The following PBX3 variants were observed in gnomAD, a reference collection of about 807,000 sequenced individuals.
PBX3 encodes the protein pre-B-cell leukemia transcription factor 3.
In PBX3, 14 loss-of-function variants were observed where a neutral mutation model predicts 48.5. The observed-to-expected ratio is 0.29, with a 90% CI of 0.19 to 0.45. The LOEUF is 0.45. Ranked by LOEUF, PBX3 falls within the 20% of genes least tolerant of loss-of-function variation. The probability of loss-of-function intolerance (pLI) is 1.00; values close to 1 mark genes in which losing one functional copy is unlikely to be tolerated. For missense variants in PBX3, 386 were observed against 546.7 expected, an observed-to-expected ratio of 0.71 and a Z score of 2.93; for synonymous variants, 210 against 200.3, an observed-to-expected ratio of 1.05 and a Z score of -0.41.
intron 2 of PBX3, chr9:125,749,443 C>G (rs1170169362): frequency 4.6e-5 from 7 of 152,122 alleles, no homozygotes; most frequent in Admixed American, 4.6e-4. Flanking sequence ...GGTAACTGCT[C>G]AAACTGAAGC....
Position 125,898,819 on chromosome 9 carries a change from AGTT to A in PBX3, c.275-16863_275-16861del, listed in dbSNP as rs1182022543. On this transcript the variant is annotated intron_variant, in intron 2 of 8. Coordinates refer to ENST00000373489, the MANE Select transcript of PBX3 (RefSeq NM_006195.6). Reference sequence around the variant, plus strand: ...ACAGTTATTTCACATTGAATGTTAAAGTTGTTTAAACATATGAGTACAATTTTT... The same window carrying A: ...ACAGTTATTTCACATTGAATGTTAAAGTTTAAACATATGAGTACAATTTTT... Among the ~76,000 whole-genome samples, 3 of 151,866 alleles carry A rather than the reference AGTT, an allele frequency of 2.0e-5. No individual in the cohort carries two copies. The East Asian group carries it at 5.8e-4, about 29-fold the overall frequency.
intron 2 of PBX3, among the ~76,000 whole-genome samples, chr9:125,796,393 A>G (rs762323807): frequency 1.2e-4 from 19 of 152,272 alleles, no homozygotes; most frequent in Admixed American, 9.8e-4. Flanking sequence ...CATTAAGCCT[A>G]TTGCTCTTGA....
At chr9:125,937,365 A>G (rs1315560706) in intron 5 of PBX3, among the ~76,000 whole-genome samples, 1 of 152,190 alleles carries the variant, frequency 6.6e-6, no homozygotes, top group Non-Finnish European at 1.5e-5. Context: ...TTTTTTAAAA[A>G]AAACAGTTAA....
intron 5 of PBX3, among the ~76,000 whole-genome samples, chr9:125,941,373 G>C (rs1841955906): frequency 6.6e-6 from 1 of 152,240 alleles, no homozygotes; most frequent in African/African-American, 2.4e-5. Flanking sequence ...TTCACTGTGA[G>C]ATGGGGAACT....
chr9:125,751,198 G>T (rs75038751), intron 2 of PBX3, among the ~76,000 whole-genome samples: 114 of 152,276 alleles, frequency 7.5e-4, no homozygotes, highest in Middle Eastern at 3.4e-3. Flanking sequence ...ATAGAAACCA[G>T]AAACATTATG....
chr9:125,747,382 C>T lies in PBX3; in HGVS notation c.-72C>T, dbSNP rs1201847736. The stretch of plus-strand genomic sequence containing the variant: ...CCTCCCCCTCTTTCTTCTCCTCCCT[C>T]GTCGCCGCCGCCGCCGCCGCCGCCT... On this transcript the variant is annotated 5_prime_UTR_variant, in exon 1 of 9. Coordinates refer to ENST00000373489, the MANE Select transcript of PBX3 (RefSeq NM_006195.6). 9 of 856,376 alleles carry T rather than the reference C, an allele frequency of 1.1e-5. No homozygotes were observed. The highest frequency in any genetic ancestry group is 4.1e-4 in the Middle Eastern group (1 of 2,462). 53.0% of individuals were successfully genotyped at this position (856,376 alleles called of 1,614,324 possible).
At chr9:125,824,060 A>T (rs1449672353) in intron 2 of PBX3, among the ~76,000 whole-genome samples, 5 of 150,596 alleles carry the variant, frequency 3.3e-5, no homozygotes, top group African/African-American at 1.2e-4. Context: ...TGGGTGACAG[A>T]GCAAGACTTT....
intron 2 of PBX3, among the ~76,000 whole-genome samples, chr9:125,787,808 T>C (rs1437027316): frequency 2.0e-5 from 3 of 152,182 alleles, no homozygotes; most frequent in Non-Finnish European, 4.4e-5. Context: ...AAGACTGTTA[T>C]CATAGGATGA....
At chr9:125,891,686 A>G (rs1164027356) in intron 2 of PBX3, among the ~76,000 whole-genome samples, 2 of 152,250 alleles carry the variant, frequency 1.3e-5, no homozygotes, top group Admixed American at 6.5e-5. Context: ...AGTTAAAAAC[A>G]TATACCAAAT....
chr9:125,778,305 C>T (rs903456419), intron 2 of PBX3, among the ~76,000 whole-genome samples: 1 of 151,600 alleles, frequency 6.6e-6, no homozygotes, highest in Non-Finnish European at 1.5e-5. Flanking sequence ...GTCGTTCAGG[C>T]TGGAGTGCAG....
intron 2 of PBX3, among the ~76,000 whole-genome samples, chr9:125,800,750 ATTT>A (rs60068482): frequency 7.5e-5 from 10 of 133,088 alleles, no homozygotes; most frequent in African/African-American, 5.5e-5. Context: ...CTTGGAATTA[ATTT>A]TTTTTTTTTT....
chr9:125,835,744 C>T (rs1021862538), intron 2 of PBX3, among the ~76,000 whole-genome samples: 2 of 152,074 alleles, frequency 1.3e-5, no homozygotes, highest in Non-Finnish European at 2.9e-5. Flanking sequence ...GACAGGGGAA[C>T]GTTCATACAC....
At position 125,830,776 on chromosome 9, in the gene PBX3, C is replaced by T. The variant is rs144002949; in HGVS notation, c.274+82153C>T. ...AACCATGTTTAAAGAAGCTAAGTAA[C>T]TTGTCCACATTCACAGTAAGTGTAG... is the stretch of plus-strand genomic sequence containing the variant. On this transcript the variant is annotated intron_variant, in intron 2 of 8. Coordinates refer to ENST00000373489, the MANE Select transcript of PBX3 (RefSeq NM_006195.6). 1.1e-4 allele frequency among the ~76,000 whole-genome samples: 17 copies of T among 152,158 alleles called. No individual in the cohort carries two copies. The East Asian group carries it at 2.7e-3, about 24-fold the overall frequency.
intron 5 of PBX3, among the ~76,000 whole-genome samples, chr9:125,946,271 A>G (rs1468756817): frequency 2.0e-5 from 3 of 152,186 alleles, no homozygotes; most frequent in African/African-American, 7.2e-5. Flanking sequence ...AGATAGCAGC[A>G]TCCTAGGCTT....
intron 2 of PBX3, among the ~76,000 whole-genome samples, chr9:125,873,480 A>C (rs7850174): frequency 0.037 from 5,662 of 152,314 alleles, 372 homozygotes; most frequent in African/African-American, 0.13. Flanking sequence ...AAGAATCAGC[A>C]TGACACATAC....
intron 2 of PBX3, among the ~76,000 whole-genome samples, chr9:125,760,466 A>G (rs1015056562): frequency 6.6e-6 from 1 of 152,152 alleles, no homozygotes; most frequent in African/African-American, 2.4e-5. Context: ...CAGTGGACAA[A>G]TTCATTTTGC....
chr9:125,756,390 A>G (rs921847803), intron 2 of PBX3, among the ~76,000 whole-genome samples: 2 of 152,162 alleles, frequency 1.3e-5, no homozygotes, highest in African/African-American at 2.4e-5. Flanking sequence ...CTGTGGGGAA[A>G]GGGAGGAAGA....
intron 1 of PBX3, 81 bp from the exon 2 acceptor site, chr9:125,748,469 C>A (rs1836270889): frequency 1.3e-6 from 2 of 1,558,188 alleles, no homozygotes; most frequent in Non-Finnish European, 1.8e-6. Flanking sequence ...GGAATTAAAT[C>A]TTGGGTCTAA....
At chr9:125,918,396 T>C (rs1841381174) in intron 3 of PBX3, among the ~76,000 whole-genome samples, 1 of 152,234 alleles carries the variant, frequency 6.6e-6, no homozygotes, top group African/African-American at 2.4e-5. Context: ...TGTTTTGTTT[T>C]TGGCTTTTAA....
Sources: allele counts gnomAD v4.1 joint callset (sites outside exome capture counted in the v4.1 genomes callset), GRCh38; gene constraint gnomAD v4.1.1; transcripts MANE v1.5; gene names NCBI Gene and HGNC (gene_info 2026-07-23, HGNC 2026-07-21).